LRP1B: variants seen among roughly 807,000 people sequenced by gnomAD.
LRP1B encodes the protein low-density lipoprotein receptor-related protein 1B.
In LRP1B, 217 loss-of-function variants were observed where a neutral mutation model predicts 556.6. The ratio of observed to expected loss-of-function variants is 0.39; its 90% CI spans 0.35 to 0.44. The LOEUF is 0.44. Ranked by LOEUF, LRP1B falls within the 20% of genes least tolerant of loss-of-function variation. The probability of loss-of-function intolerance (pLI) is 1.00; values close to 1 mark genes in which losing one functional copy is unlikely to be tolerated. For missense variants in LRP1B, 5,053 were observed against 5,620.8 expected (o/e 0.90, Z 3.23); for synonymous variants, 2,047 against 1,865.8 (o/e 1.10, Z -2.50).
rs529986026 is a variant in LRP1B, at chr2:141,247,757, T to C, written c.464-403A>G. On this transcript the variant is annotated intron_variant, in intron 4 of 90. Transcript: ENST00000389484. ...TTTCAATCAACAGATTAAATAAGAG[T>C]TCTGAGCCACACTATGCAAATCACA... is the stretch of plus-strand genomic sequence containing the variant. Among the ~76,000 whole-genome samples, 334 of 152,240 alleles carry C rather than the reference T, an allele frequency of 2.2e-3. 2 individuals are homozygous for C. The highest frequency in any genetic ancestry group is 3.9e-3 in the Non-Finnish European group (266 of 68,026).
intron 2 of LRP1B, among the ~76,000 whole-genome samples, chr2:141,730,660 T>C (rs1693235612): frequency 6.6e-6 from 1 of 152,162 alleles, no homozygotes; most frequent in African/African-American, 2.4e-5. Flanking sequence ...ATTGTAGTAT[T>C]TATGAGTCAG....
chr2:141,257,631 A>G (rs1268991081), intron 3 of LRP1B, among the ~76,000 whole-genome samples: 2 of 152,164 alleles, frequency 1.3e-5, no homozygotes, highest in African/African-American at 4.8e-5. Flanking sequence ...AAAATAGCAA[A>G]ATATAGAAGG....
At chr2:140,945,358 A>C (rs1204103330) in intron 20 of LRP1B, among the ~76,000 whole-genome samples, 1 of 152,192 alleles carries the variant, frequency 6.6e-6, no homozygotes, top group Non-Finnish European at 1.5e-5. Flanking sequence ...AGAATTAGAA[A>C]GCCATTCTAA....
chr2:141,979,580 T>C (rs1701985820), intron 1 of LRP1B, among the ~76,000 whole-genome samples: 1 of 152,116 alleles, frequency 6.6e-6, no homozygotes, highest in Non-Finnish European at 1.5e-5. Context: ...CTTGTCTTCA[T>C]ATTTACATTC....
At chr2:140,287,415 C>G (rs908860536) in intron 84 of LRP1B, among the ~76,000 whole-genome samples, 1 of 151,652 alleles carries the variant, frequency 6.6e-6, no homozygotes, top group Non-Finnish European at 1.5e-5. Flanking sequence ...TCAGTTAAAT[C>G]AGGTGCCATT....
At chr2:140,831,525 A>G (rs915220839) in intron 31 of LRP1B, among the ~76,000 whole-genome samples, 2 of 152,184 alleles carry the variant, frequency 1.3e-5, no homozygotes, top group African/African-American at 4.8e-5. Context: ...AGTCAAATCA[A>G]AATGAATCAA....
chr2:140,240,418 T>C (rs995287035), intron 87 of LRP1B, among the ~76,000 whole-genome samples: 6 of 150,760 alleles, frequency 4.0e-5, no homozygotes, highest in Non-Finnish European at 7.4e-5. Context: ...CTTGGTTTTC[T>C]ATGTATATAC....
chr2:140,390,997 A>G (rs996310868), intron 66 of LRP1B, among the ~76,000 whole-genome samples: 10 of 152,146 alleles, frequency 6.6e-5, no homozygotes, highest in Non-Finnish European at 1.3e-4. Context: ...CATATCTACC[A>G]TGTGACTCAG....
At chr2:141,249,956 C>T (rs948288271) in intron 4 of LRP1B, among the ~76,000 whole-genome samples, 7 of 151,980 alleles carry the variant, frequency 4.6e-5, no homozygotes, top group African/African-American at 1.7e-4. Context: ...GTCCTCATGA[C>T]TTGGGAATGA....
At chr2:141,914,413 T>C (rs67561862) in intron 1 of LRP1B, among the ~76,000 whole-genome samples, 13,798 of 152,030 alleles carry the variant, frequency 0.091, 702 homozygotes, top group African/African-American at 0.15. Flanking sequence ...AAAGAATAAA[T>C]TCCTGACTTG....
chr2:141,647,154 A>G (rs1365883878), intron 2 of LRP1B, among the ~76,000 whole-genome samples: 1 of 152,148 alleles, frequency 6.6e-6, no homozygotes, highest in East Asian at 1.9e-4. Context: ...TTGTCAAAGT[A>G]ATGCTTTAGC....
chr2:140,256,966 T>C (rs1055946543), intron 86 of LRP1B, among the ~76,000 whole-genome samples: 2 of 149,490 alleles, frequency 1.3e-5, no homozygotes, highest in African/African-American at 5.1e-5. Flanking sequence ...TGTCTGATTT[T>C]ATTCCCAACA....
At chr2:140,238,015 T>A in intron 89 of LRP1B, 137 bp downstream of exon 89, 1 of 614,582 alleles carries the variant, frequency 1.6e-6, no homozygotes, top group Non-Finnish European at 2.7e-6. Flanking sequence ...TAGAAGAGGC[T>A]ATATCATTCA....
At chr2:140,309,084 T>G (rs1431523408) in intron 83 of LRP1B, among the ~76,000 whole-genome samples, 3 of 151,866 alleles carry the variant, frequency 2.0e-5, no homozygotes, top group Non-Finnish European at 4.4e-5. Flanking sequence ...ATAAGGAGAT[T>G]TGACATTCTA....
intron 37 of LRP1B, among the ~76,000 whole-genome samples, chr2:140,713,130 T>A (rs914384215): frequency 6.6e-6 from 1 of 152,120 alleles, no homozygotes; most frequent in African/African-American, 2.4e-5. Context: ...CAACTACTGA[T>A]TCCATGTATG....
At chr2:141,150,914 T>TGTGTGTGTGTG (rs1558894867) in intron 7 of LRP1B, among the ~76,000 whole-genome samples, 29 of 151,006 alleles carry the variant, frequency 1.9e-4, no homozygotes, top group South Asian at 4.2e-4. Flanking sequence ...TGTGTGTGTG[T>TGTGTGTGTGTG]TTGCCATGCT....
rs368738354 is a variant in LRP1B, at chr2:140,769,615, T to A, written c.5627-271A>T. ...GGCCCCATCCCAGAAGCCTGATCAT[T>A]TAAATATCTAAAAATCTCCCAATTG... On this transcript the variant is annotated intron_variant, in intron 34 of 90. Transcript: ENST00000389484. Among the ~76,000 whole-genome samples, 3 of 152,032 alleles carry A rather than the reference T, an allele frequency of 2.0e-5. No individual in the cohort carries two copies. In the East Asian group the frequency reaches 5.8e-4, roughly 29 times the overall value.
intron 59 of LRP1B, among the ~76,000 whole-genome samples, chr2:140,482,399 G>A (rs1020603196): frequency 6.6e-6 from 1 of 152,058 alleles, no homozygotes; most frequent in Middle Eastern, 3.2e-3. Context: ...TTGCAGCAGA[G>A]TTTTAACATA....
intron 18 of LRP1B, among the ~76,000 whole-genome samples, chr2:140,969,020 G>C (rs1331212328): frequency 6.6e-6 from 1 of 152,194 alleles, no homozygotes; most frequent in Non-Finnish European, 1.5e-5. Context: ...ATTTGGGGTG[G>C]AGAGTTCTGT....
Sources: allele counts gnomAD v4.1 joint callset (sites outside exome capture counted in the v4.1 genomes callset), GRCh38; gene constraint gnomAD v4.1.1; transcripts MANE v1.5; gene names NCBI Gene and HGNC (gene_info 2026-07-23, HGNC 2026-07-21).